GPC5: variants seen among roughly 807,000 people sequenced by gnomAD.
The protein encoded by GPC5 is glypican 5.
Under a neutral mutation model 53.9 loss-of-function variants are expected in GPC5, and 47 were observed. The ratio of observed to expected loss-of-function variants is 0.87; its 90% confidence interval spans 0.69 to 1.11. The LOEUF is 1.11. Among genes scored for constraint, GPC5 ranks in the 50% most tolerant of loss-of-function variants. GPC5 has a pLI of 0.00. For synonymous variants in GPC5, 286 were observed against 263.3 expected, an observed-to-expected ratio of 1.09 and a Z score of -0.84; for missense variants, 748 against 713.1, an observed-to-expected ratio of 1.05 and a Z score of -0.56.
chr13:92,415,676 TAA>T (rs34520808), intron 7 of GPC5, among the ~76,000 whole-genome samples: 93 of 143,334 alleles, frequency 6.5e-4, no homozygotes, highest in Admixed American at 7.7e-4. Flanking sequence ...CAGCTGGAGG[TAA>T]AAAAAAAAAA....
intron 2 of GPC5, among the ~76,000 whole-genome samples, chr13:91,584,985 G>A (rs2032508251): frequency 6.6e-6 from 1 of 152,080 alleles, no homozygotes; most frequent in Non-Finnish European, 1.5e-5. Context: ...AAAAATATAA[G>A]ACATCCCTAT....
chr13:92,225,069 C>T (rs920561566), intron 7 of GPC5, among the ~76,000 whole-genome samples: 2 of 150,882 alleles, frequency 1.3e-5, no homozygotes, highest in East Asian at 3.9e-4. Context: ...GGTTTCCTAG[C>T]CCCATACCAC....
chr13:91,522,118 C>T (rs1242405496), intron 2 of GPC5, among the ~76,000 whole-genome samples: 4 of 152,218 alleles, frequency 2.6e-5, no homozygotes, highest in Non-Finnish European at 5.9e-5. Context: ...GGAACCCTTC[C>T]AAACCCTGTC....
At chr13:92,058,952 G>A (rs1032340342) in intron 6 of GPC5, among the ~76,000 whole-genome samples, 2 of 152,250 alleles carry the variant, frequency 1.3e-5, no homozygotes, top group East Asian at 1.9e-4. Flanking sequence ...ATTGTTTTGC[G>A]CTGTATCATG....
intron 7 of GPC5, among the ~76,000 whole-genome samples, chr13:92,765,522 C>A (rs1414076144): frequency 6.6e-6 from 1 of 152,184 alleles, no homozygotes; most frequent in Non-Finnish European, 1.5e-5. Context: ...ACAGGTGTGA[C>A]ACGGAGTGAG....
intron 2 of GPC5, among the ~76,000 whole-genome samples, chr13:91,566,931 CTTTT>C (rs372108616): frequency 7.1e-6 from 1 of 140,774 alleles, no homozygotes. Flanking sequence ...TCTTCCAATT[CTTTT>C]TTTTTTTTTT....
chr13:92,781,547 T>C (rs928552344), intron 7 of GPC5, among the ~76,000 whole-genome samples: 1 of 152,180 alleles, frequency 6.6e-6, no homozygotes, highest in Non-Finnish European at 1.5e-5. Context: ...GTCAACTGCC[T>C]CTAGTTCATA....
At chr13:92,492,056 G>T (rs983365192) in intron 7 of GPC5, among the ~76,000 whole-genome samples, 4 of 151,868 alleles carry the variant, frequency 2.6e-5, no homozygotes, top group Non-Finnish European at 5.9e-5. Context: ...GATGTTTTTT[G>T]CATGCTGTGA....
chr13:92,595,703 G>A (rs1170880829), intron 7 of GPC5, among the ~76,000 whole-genome samples: 1 of 142,090 alleles, frequency 7.0e-6, no homozygotes, highest in Admixed American at 7.4e-5. Flanking sequence ...GGGAGGCGGA[G>A]CTTGCAGTGA....
At chr13:91,993,351 C>A (rs139752071) in intron 6 of GPC5, among the ~76,000 whole-genome samples, 2 of 151,940 alleles carry the variant, frequency 1.3e-5, no homozygotes, top group Non-Finnish European at 1.5e-5. Context: ...CTTGAAACTG[C>A]GTATACCTTT....
At chr13:92,832,237 A>G (rs904093773) in intron 7 of GPC5, among the ~76,000 whole-genome samples, 14 of 152,210 alleles carry the variant, frequency 9.2e-5, no homozygotes, top group African/African-American at 3.4e-4. Flanking sequence ...ACTTAAACAT[A>G]AAGCTCAAAG....
intron 7 of GPC5, among the ~76,000 whole-genome samples, chr13:92,737,494 A>C (rs1483391163): frequency 1.3e-5 from 2 of 152,116 alleles, no homozygotes; most frequent in East Asian, 3.9e-4. Context: ...CTATGAAATC[A>C]AGAAAACTGG....
chr13:92,840,870 A>G (rs1878408846), intron 7 of GPC5, among the ~76,000 whole-genome samples: 1 of 152,022 alleles, frequency 6.6e-6, no homozygotes, highest in Non-Finnish European at 1.5e-5. Context: ...TGGTATTATA[A>G]ATGAAATTGT....
chr13:92,009,899 T>C (rs2040644423), intron 6 of GPC5, among the ~76,000 whole-genome samples: 1 of 152,216 alleles, frequency 6.6e-6, no homozygotes, highest in Admixed American at 6.5e-5. Context: ...TTGCTTTCAA[T>C]TTCCACTTAT....
intron 6 of GPC5, among the ~76,000 whole-genome samples, chr13:92,061,696 G>A (rs2041125412): frequency 1.3e-5 from 2 of 151,942 alleles, no homozygotes; most frequent in African/African-American, 4.8e-5. Flanking sequence ...GAACAGTCAT[G>A]CTGTCTTGGG....
At chr13:92,123,913 A>G (rs2041671859) in intron 6 of GPC5, among the ~76,000 whole-genome samples, 1 of 152,118 alleles carries the variant, frequency 6.6e-6, no homozygotes, top group African/African-American at 2.4e-5. Flanking sequence ...TCATTAAACT[A>G]TTTTCCAAAT....
intron 7 of GPC5, among the ~76,000 whole-genome samples, chr13:92,756,608 A>C (rs1874887041): frequency 1.3e-5 from 2 of 148,510 alleles, no homozygotes; most frequent in Non-Finnish European, 1.5e-5. Flanking sequence ...AAATCTCCTT[A>C]AGCTGATAAG....
At chr13:92,279,884 T>C (rs1189950486) in intron 7 of GPC5, among the ~76,000 whole-genome samples, 2 of 152,140 alleles carry the variant, frequency 1.3e-5, no homozygotes, top group Non-Finnish European at 2.9e-5. Context: ...TCTTATGGTA[T>C]CTGATTTTGA....
intron 6 of GPC5, among the ~76,000 whole-genome samples, chr13:92,072,411 C>T (rs892612018): frequency 4.0e-5 from 6 of 151,358 alleles, no homozygotes; most frequent in African/African-American, 7.3e-5. Flanking sequence ...GGACTACAGG[C>T]GTGCACCACC....
Sources: gnomAD v4.1 joint callset for allele counts (sites outside exome capture counted in the v4.1 genomes callset) on GRCh38, gnomAD v4.1.1 for gene constraint, MANE v1.5 for transcripts, NCBI Gene and HGNC (gene_info 2026-07-23, HGNC 2026-07-21) for gene names.